Variants in PITPNB observed in about 807,000 individuals in gnomAD.
PITPNB encodes phosphatidylinositol transfer protein beta.
A neutral mutation model predicts 45.9 loss-of-function variants in PITPNB; 16 were observed. The observed-to-expected ratio is 0.35, with a 90% CI of 0.24 to 0.53. PITPNB has a LOEUF of 0.53. Ranked by LOEUF, PITPNB falls within the 20% of genes least tolerant of loss-of-function variation. The pLI, the probability that PITPNB is intolerant of heterozygous loss-of-function variation, is 0.93. For missense variants in PITPNB, 188 were observed against 330.5 expected (o/e 0.57, Z 3.34); for synonymous variants, 112 against 108.9 (o/e 1.03, Z -0.18).
At chr22:27,901,186 G>T (rs1935581541) in intron 3 of PITPNB, among the ~76,000 whole-genome samples, 1 of 152,160 alleles carries the variant, frequency 6.6e-6, no homozygotes, top group Non-Finnish European at 1.5e-5. Flanking sequence ...GGACCATGAA[G>T]ACTCTTCAGG....
At chr22:27,865,231 T>A (rs1934450584) in intron 8 of PITPNB, among the ~76,000 whole-genome samples, 1 of 152,190 alleles carries the variant, frequency 6.6e-6, no homozygotes. Context: ...CTCAGCAGAG[T>A]ATTTTCGGAC....
rs866201306 is a variant in PITPNB at position 27,903,430 on chromosome 22, T to C, written c.198-5538A>G. Among the ~76,000 whole-genome samples the C allele has an allele frequency of 5.1e-4, 75 of 147,840 alleles. 2 individuals are homozygous for C. Among genetic ancestry groups the C allele is most frequent in the Admixed American group, 4.1e-3 (61 of 14,784 alleles). On this transcript the variant is annotated intron_variant, in intron 3 of 11. Coordinates refer to ENST00000335272, the MANE Select transcript of PITPNB (RefSeq NM_012399.5). ...GTTGTGGTGAGCCGAGATCACGCCA[T>C]TGCACTCTAGCCTGGGCAACAAGAG...
At chr22:27,908,632 A>AC (rs1159496380) in intron 3 of PITPNB, among the ~76,000 whole-genome samples, 1 of 152,146 alleles carries the variant, frequency 6.6e-6, no homozygotes, top group African/African-American at 2.4e-5. Context: ...GGTGGGGTAT[A>AC]CTTCAATTAA....
At chr22:27,887,209 A>G (rs543806465) in intron 7 of PITPNB, among the ~76,000 whole-genome samples, 3 of 152,346 alleles carry the variant, frequency 2.0e-5, no homozygotes, top group African/African-American at 7.2e-5. Flanking sequence ...ACACAGGCGC[A>G]TTAGAGGAAC....
In PITPNB at chr22:27,892,611, T is replaced by C. The variant is rs1935312252; in HGVS notation, c.456+1944A>G. Among the ~76,000 whole-genome samples, 3 of 152,150 alleles carry C rather than the reference T, an allele frequency of 2.0e-5. No homozygotes were observed. In the South Asian group the frequency reaches 6.2e-4, roughly 31 times the overall value. ...ACCTAGTCATTAACTAACTCACTCATTACTCCCAATTACTTCTCTTCCCAT... is the reference window on the plus strand; with the variant it reads ...ACCTAGTCATTAACTAACTCACTCACTACTCCCAATTACTTCTCTTCCCAT... On this transcript the variant is annotated intron_variant, in intron 7 of 11. Coordinates refer to ENST00000335272, the MANE Select transcript of PITPNB (RefSeq NM_012399.5).
chr22:27,904,026 CATT>C (rs1479233678), intron 3 of PITPNB, among the ~76,000 whole-genome samples: 3 of 152,012 alleles, frequency 2.0e-5, no homozygotes, highest in African/African-American at 7.3e-5. Context: ...CTGCTGATAA[CATT>C]ATAAAGTGGT....
chr22:27,891,365 G>A (rs1171183382), intron 7 of PITPNB, among the ~76,000 whole-genome samples: 1 of 152,140 alleles, frequency 6.6e-6, no homozygotes, highest in African/African-American at 2.4e-5. Flanking sequence ...CCACATATAC[G>A]CAGGTTGTGT....
chr22:27,908,631 T>C (rs888081762), intron 3 of PITPNB, among the ~76,000 whole-genome samples: 2 of 152,122 alleles, frequency 1.3e-5, no homozygotes, highest in African/African-American at 2.4e-5. Context: ...TGGTGGGGTA[T>C]ACTTCAATTA....
chr22:27,883,871 G>T (rs1479547717), intron 7 of PITPNB, among the ~76,000 whole-genome samples: 3 of 152,196 alleles, frequency 2.0e-5, no homozygotes, highest in Non-Finnish European at 4.4e-5. Flanking sequence ...CAGGACGGGG[G>T]AGGTGTGAGT....
intron 3 of PITPNB, chr22:27,898,193 T>C (rs1935488126): frequency 6.7e-6 from 2 of 298,866 alleles, no homozygotes; most frequent in Non-Finnish European, 1.3e-5. Flanking sequence ...CTGGACAACA[T>C]GGTGAAACCC....
intron 8 of PITPNB, among the ~76,000 whole-genome samples, chr22:27,863,368 A>G (rs1281633663): frequency 4.6e-5 from 7 of 152,202 alleles, no homozygotes; most frequent in African/African-American, 7.2e-5. Context: ...CTAGGGCTGT[A>G]GGTGGTAAAC....
chr22:27,856,832 C>T (rs1001926972), intron 10 of PITPNB, among the ~76,000 whole-genome samples: 10 of 152,114 alleles, frequency 6.6e-5, no homozygotes, highest in African/African-American at 2.4e-4. Context: ...TTCCTGAAGC[C>T]TTGGGCACTT....
At chr22:27,915,314 A>G (rs1936045020) in intron 1 of PITPNB, among the ~76,000 whole-genome samples, 1 of 152,042 alleles carries the variant, frequency 6.6e-6, no homozygotes. Flanking sequence ...TTTTCAGCTT[A>G]TAATTTCTTT....
intron 3 of PITPNB, among the ~76,000 whole-genome samples, chr22:27,905,372 A>T (rs1488921146): frequency 6.6e-6 from 1 of 152,014 alleles, no homozygotes; most frequent in Non-Finnish European, 1.5e-5. Context: ...CTGGTTTCGA[A>T]CTCCTGACTT....
At chr22:27,855,239 A>G (rs1934137788) in intron 10 of PITPNB, among the ~76,000 whole-genome samples, 1 of 152,256 alleles carries the variant, frequency 6.6e-6, no homozygotes, top group Non-Finnish European at 1.5e-5. Context: ...ATATAATGTG[A>G]GAAAATACCC....
chr22:27,914,731 T>C (rs1936029474), intron 1 of PITPNB, among the ~76,000 whole-genome samples: 1 of 152,248 alleles, frequency 6.6e-6, no homozygotes, highest in Non-Finnish European at 1.5e-5. Context: ...TCCACCTATA[T>C]ACTGTGCATT....
At position 27,864,453 on chromosome 22, in the gene PITPNB, C is replaced by T. The variant is rs530656282; in HGVS notation, c.535-4212G>A. ...AAGCTGTTCATATCCTACCCTGTACCCTGTAACCTGGTAATTCCACTTTTA... is the reference window on the plus strand; with the variant it reads ...AAGCTGTTCATATCCTACCCTGTACTCTGTAACCTGGTAATTCCACTTTTA... On this transcript the variant is annotated intron_variant, in intron 8 of 11. Coordinates refer to ENST00000335272, the MANE Select transcript of PITPNB (RefSeq NM_012399.5). Among the ~76,000 whole-genome samples the T allele has an allele frequency of 3.9e-5, 6 of 152,184 alleles. No individual in the cohort carries two copies. In the South Asian group the frequency reaches 6.2e-4, roughly 16 times the overall value.
chr22:27,854,132 C>T (rs1270871931), intron 11 of PITPNB, among the ~76,000 whole-genome samples: 1 of 151,898 alleles, frequency 6.6e-6, no homozygotes, highest in Non-Finnish European at 1.5e-5. Flanking sequence ...TGCTACATCT[C>T]GTTCTCTTTA....
chr22:27,894,512 A>G, intron 7 of PITPNB, 43 bp downstream of exon 7: 2 of 1,034,110 alleles, frequency 1.9e-6, no homozygotes, highest in Non-Finnish European at 3.0e-6. Flanking sequence ...ATAATTTTTA[A>G]CTGTAAAAGG....
Sources: gnomAD v4.1 joint callset for allele counts (sites outside exome capture counted in the v4.1 genomes callset) on GRCh38, gnomAD v4.1.1 for gene constraint, MANE v1.5 for transcripts, NCBI Gene and HGNC (gene_info 2026-07-23, HGNC 2026-07-21) for gene names.